TXNRD1: variants seen among roughly 807,000 people sequenced by gnomAD.
The protein encoded by TXNRD1 is thioredoxin reductase 1, cytoplasmic.
Under a neutral mutation model 80.3 loss-of-function variants are expected in TXNRD1, and 57 were observed. That is an observed-to-expected ratio of 0.71 (90% CI 0.57 to 0.89). The LOEUF is 0.89. TXNRD1 is among the 40% of genes least tolerant of loss of function. The probability of loss-of-function intolerance (pLI) is 0.00; values close to 1 mark genes in which losing one functional copy is unlikely to be tolerated. For missense variants in TXNRD1, 730 were observed against 803.0 expected, an observed-to-expected ratio of 0.91 and a Z score of 1.10; for synonymous variants, 291 against 285.2, an observed-to-expected ratio of 1.02 and a Z score of -0.20.
In TXNRD1 at chr12:104,302,129, C is replaced by T. The variant is rs34257458; in HGVS notation, c.415-9161C>T. On this transcript the variant is annotated intron_variant, in intron 4 of 16. Transcript: ENST00000525566. ...AGGATCATATATATGTACAACTAACCGTAATGCATGGTGTTTTGAAAAATG... is the reference window on the plus strand; with the variant it reads ...AGGATCATATATATGTACAACTAACTGTAATGCATGGTGTTTTGAAAAATG... Among the ~76,000 whole-genome samples the T allele has an allele frequency of 1.3e-3, 195 of 152,210 alleles. 2 individuals carry two copies. In the East Asian group the frequency reaches 0.034, roughly 26 times the overall value.
intron 6 of TXNRD1, 134 bp downstream of exon 6, chr12:104,313,451 A>G: frequency 3.1e-6 from 2 of 640,660 alleles, no homozygotes; most frequent in Non-Finnish European, 5.2e-6. Flanking sequence ...AAACATATAT[A>G]TCTTTTATTT....
intron 1 of TXNRD1, among the ~76,000 whole-genome samples, chr12:104,229,593 ATTTTATTTAT>A (rs528508871): frequency 0.013 from 1,986 of 149,316 alleles, 31 homozygotes; most frequent in South Asian, 0.074. Flanking sequence ...ATTTTATTTT[ATTTTATTTAT>A]TTTTTTTGAG....
chr12:104,320,942 T>TTC (rs1371012333), intron 9 of TXNRD1, 149 bp from the exon 10 acceptor site: 1 of 643,320 alleles, frequency 1.6e-6, no homozygotes, highest in African/African-American at 1.8e-5. Flanking sequence ...TTATAAAAAC[T>TTC]TCTCATGTAT....
At chr12:104,234,215 A>G (rs2135686463) in intron 1 of TXNRD1, among the ~76,000 whole-genome samples, 1 of 152,352 alleles carries the variant, frequency 6.6e-6, no homozygotes, top group African/African-American at 2.4e-5. Context: ...CATTTTGATG[A>G]TACTTGCATT....
Position 104,315,964 on chromosome 12 carries a change from G to A in TXNRD1, c.730+68G>A, listed in dbSNP as rs151094673. On this transcript the variant is annotated intron_variant, in intron 7 of 16. Coordinates refer to ENST00000525566, the MANE Select transcript of TXNRD1 (RefSeq NM_001093771.3). ...GTTTGAGCTGCAATTTTTGTGATGC[G>A]TCGTCCATTTTCATGAAGATAGCAA... The A allele has an allele frequency of 9.1e-3, 13,895 of 1,523,494 alleles. 72 individuals are homozygous for A. Among genetic ancestry groups the A allele is most frequent in the Middle Eastern group, 0.012 (68 of 5,704 alleles). 94.4% of individuals were successfully genotyped at this position (1,523,494 alleles called of 1,614,324 possible). A position where few individuals can be genotyped will look rare whatever the true frequency, so the allele number is the denominator to read the frequency against.
intron 1 of TXNRD1, chr12:104,224,797 CA>C (rs1565851172): frequency 6.6e-6 from 3 of 456,014 alleles, no homozygotes; most frequent in South Asian, 4.7e-5. Context: ...TTTTCTCCCC[CA>C]CTGTTTGATC....
At chr12:104,305,004 TG>T in intron 4 of TXNRD1, 1 of 1,435,758 alleles carries the variant, frequency 7.0e-7, no homozygotes, top group East Asian at 2.3e-5. Context: ...AAATGTAAAC[TG>T]AAGCACATAT....
chr12:104,234,562 G>A (rs1023078391), intron 1 of TXNRD1, among the ~76,000 whole-genome samples: 12 of 150,876 alleles, frequency 8.0e-5, no homozygotes, highest in African/African-American at 2.9e-4. Flanking sequence ...CAAAAGTTCT[G>A]GGATTACAGG....
At chr12:104,317,396 C>T (rs942754345) in intron 7 of TXNRD1, among the ~76,000 whole-genome samples, 1 of 141,942 alleles carries the variant, frequency 7.0e-6, no homozygotes, top group African/African-American at 2.6e-5. Flanking sequence ...TCAGTTGAAC[C>T]AATTTCTTAA....
At chr12:104,300,996 G>C (rs1305271903) in intron 4 of TXNRD1, among the ~76,000 whole-genome samples, 1 of 152,176 alleles carries the variant, frequency 6.6e-6, no homozygotes, top group Non-Finnish European at 1.5e-5. Context: ...CCTTTCTTAG[G>C]ATGATCTAAG....
chr12:104,286,796 A>G, intron 3 of TXNRD1: 1 of 1,019,714 alleles, frequency 9.8e-7, no homozygotes, highest in South Asian at 3.7e-5. Context: ...GAATTGCCTT[A>G]AATTGTTTTT....
chr12:104,268,886 A>G (rs1479674508), intron 3 of TXNRD1, among the ~76,000 whole-genome samples: 2 of 143,854 alleles, frequency 1.4e-5, no homozygotes, highest in Non-Finnish European at 3.1e-5. Flanking sequence ...AATTAAATTT[A>G]TGTCATATTA....
At position 104,347,325 on chromosome 12, in the gene TXNRD1, C is replaced by T. The variant is rs553424515; in HGVS notation, c.1882-1028C>T. On this transcript the variant is annotated intron_variant, in intron 16 of 16. Transcript: ENST00000525566. ...CTCTGAGGCTAAAACAGACTAAAGA[C>T]TTTTCTCAGTATTGTTCCTCCCTTA... Among the ~76,000 whole-genome samples the T allele has an allele frequency of 1.1e-4, 17 of 152,222 alleles. No individual in the cohort carries two copies. The South Asian group carries it at 3.1e-3, about 28-fold the overall frequency.
At chr12:104,279,793 G>A (rs1001734291) in intron 3 of TXNRD1, among the ~76,000 whole-genome samples, 4 of 152,032 alleles carry the variant, frequency 2.6e-5, no homozygotes, top group Non-Finnish European at 4.4e-5. Context: ...GGCCAGGCAC[G>A]GTGGCTCACC....
chr12:104,285,240 A>T (rs955116921), intron 3 of TXNRD1, among the ~76,000 whole-genome samples: 2 of 152,196 alleles, frequency 1.3e-5, no homozygotes, highest in Non-Finnish European at 2.9e-5. Context: ...GAAGAAGATG[A>T]GGTTCTTCTT....
chr12:104,304,099 G>A lies in TXNRD1; in HGVS notation c.415-7191G>A. 1.9e-6 allele frequency: 3 copies of A among 1,614,026 alleles called. No individual in the cohort carries two copies. The South Asian group carries it at 3.3e-5, about 18-fold the overall frequency. On this transcript the variant is annotated intron_variant, in intron 4 of 16. Coordinates refer to ENST00000525566, the MANE Select transcript of TXNRD1 (RefSeq NM_001093771.3). The stretch of plus-strand genomic sequence containing the variant: ...TCATGTACTGCGTGCGGCAGAACCG[G>A]GAGGACATCGTGAGCTCGGCGAACA...
At chr12:104,332,730 CAA>C (rs2035997505) in intron 14 of TXNRD1, among the ~76,000 whole-genome samples, 1 of 63,038 alleles carries the variant, frequency 1.6e-5, no homozygotes, top group African/African-American at 6.8e-5. Flanking sequence ...GCCTGGGCAA[CAA>C]GAGAGAAACT....
chr12:104,276,601 A>G (rs2033763456), intron 3 of TXNRD1: 1 of 152,186 alleles, frequency 6.6e-6, no homozygotes, highest in African/African-American at 2.4e-5. Context: ...CACTTCACTA[A>G]CAGTCAAAAG....
chr12:104,318,001 C>T (rs2035390100), intron 7 of TXNRD1, among the ~76,000 whole-genome samples: 1 of 152,110 alleles, frequency 6.6e-6, no homozygotes, highest in Admixed American at 6.6e-5. Flanking sequence ...ATTAGCTGGG[C>T]ATGATGGCCC....
Sources: gnomAD v4.1 joint callset for allele counts (sites outside exome capture counted in the v4.1 genomes callset) on GRCh38, gnomAD v4.1.1 for gene constraint, MANE v1.5 for transcripts, NCBI Gene and HGNC (gene_info 2026-07-23, HGNC 2026-07-21) for gene names.